Variants in CNTN5 observed in about 807,000 individuals in gnomAD.
The protein encoded by CNTN5 is contactin 5, also known as contactin-5.
A neutral mutation model predicts 129.1 loss-of-function variants in CNTN5; 77 were observed. The observed-to-expected ratio is 0.60, with a 90% confidence interval of 0.50 to 0.72. The LOEUF (loss-of-function observed/expected upper bound fraction) is 0.72, where lower values mean the gene tolerates loss of function less well. CNTN5 is among the 30% of genes least tolerant of loss of function. The pLI is 0.00. For missense variants in CNTN5, 1,478 were observed against 1,328.8 expected, an observed-to-expected ratio of 1.11 and a Z score of -1.75; for synonymous variants, 509 against 465.6, an observed-to-expected ratio of 1.09 and a Z score of -1.20.
chr11:99,343,324 C>G (rs1866606877), intron 2 of CNTN5, among the ~76,000 whole-genome samples: 1 of 152,166 alleles, frequency 6.6e-6, no homozygotes, highest in Admixed American at 6.6e-5. Flanking sequence ...CAAAGAATAG[C>G]CTGTGGACCA....
intron 13 of CNTN5, among the ~76,000 whole-genome samples, chr11:100,126,297 T>A (rs1285734684): frequency 6.6e-6 from 1 of 152,146 alleles, no homozygotes; most frequent in Non-Finnish European, 1.5e-5. Context: ...TCTGTAGATG[T>A]CTACTAGGTC....
intron 3 of CNTN5, among the ~76,000 whole-genome samples, chr11:99,779,494 C>G (rs1474311361): frequency 1.3e-5 from 2 of 151,862 alleles, no homozygotes; most frequent in Non-Finnish European, 2.9e-5. Context: ...TGTTAACTTT[C>G]CAGAAGACTG....
chr11:99,334,554 C>T (rs1035818148), intron 2 of CNTN5, among the ~76,000 whole-genome samples: 17 of 151,960 alleles, frequency 1.1e-4, no homozygotes, highest in African/African-American at 3.9e-4. Flanking sequence ...TACACACATA[C>T]AGTATTGGAC....
At chr11:99,769,809 C>G (rs371611311) in intron 3 of CNTN5, among the ~76,000 whole-genome samples, 2,791 of 111,788 alleles carry the variant, frequency 0.025, 90 homozygotes, top group African/African-American at 0.093. Flanking sequence ...GAGTGAGACC[C>G]CGTCTCAAAA....
intron 1 of CNTN5, among the ~76,000 whole-genome samples, chr11:99,255,595 G>A (rs923529967): frequency 1.9e-4 from 29 of 151,366 alleles, no homozygotes; most frequent in Non-Finnish European, 3.2e-4. Flanking sequence ...TAGATATTCA[G>A]GAGATTAACG....
chr11:99,083,611 CTT>C (rs1865891965), intron 1 of CNTN5, among the ~76,000 whole-genome samples: 1 of 151,892 alleles, frequency 6.6e-6, no homozygotes, highest in African/African-American at 2.4e-5. Context: ...AAAAGTATAA[CTT>C]TTATGTGGGT....
At chr11:99,584,336 A>G (rs1411648624) in intron 3 of CNTN5, among the ~76,000 whole-genome samples, 1 of 152,144 alleles carries the variant, frequency 6.6e-6, no homozygotes, top group African/African-American at 2.4e-5. Context: ...ACTGGCCCTG[A>G]TTACTGTTAT....
chr11:99,280,387 A>G (rs1863639638), intron 1 of CNTN5, among the ~76,000 whole-genome samples: 1 of 151,870 alleles, frequency 6.6e-6, no homozygotes, highest in Non-Finnish European at 1.5e-5. Flanking sequence ...CGTTTAGACA[A>G]AGGATCACAG....
intron 9 of CNTN5, among the ~76,000 whole-genome samples, chr11:100,050,376 C>G (rs1942890033): frequency 6.6e-6 from 1 of 150,770 alleles, no homozygotes; most frequent in Admixed American, 6.7e-5. Context: ...ATCACAAGAA[C>G]AAAAAACCAA....
At position 100,299,413 on chromosome 11, in the gene CNTN5, C is replaced by G; in HGVS notation, c.2620+17C>G. 6.9e-7 allele frequency: 1 copy of G among 1,456,072 alleles called. No individual in the cohort carries two copies. The highest frequency in any genetic ancestry group is 2.0e-5 in the Admixed American group (1 of 50,482). 90.2% of individuals were successfully genotyped at this position (1,456,072 alleles called of 1,614,324 possible). A position where few individuals can be genotyped will look rare whatever the true frequency, so the allele number is the denominator to read the frequency against. ...CTGAAGGAGGTCAGTTTTTTTATTC[C>G]TATTATTTTTATTTAACATTTTACT... On this transcript the variant is annotated intron_variant, in intron 20 of 24. Coordinates refer to ENST00000524871, the MANE Select transcript of CNTN5 (RefSeq NM_014361.4).
At chr11:99,521,358 G>T (rs1947268526) in intron 2 of CNTN5, among the ~76,000 whole-genome samples, 1 of 152,006 alleles carries the variant, frequency 6.6e-6, no homozygotes, top group Non-Finnish European at 1.5e-5. Context: ...TAAAATAGAG[G>T]CATTACCTCT....
intron 2 of CNTN5, among the ~76,000 whole-genome samples, chr11:99,397,170 C>T (rs1941569039): frequency 6.6e-6 from 1 of 151,720 alleles, no homozygotes; most frequent in Non-Finnish European, 1.5e-5. Flanking sequence ...AGGTGTTTTG[C>T]AGAATATCTC....
At chr11:100,061,659 C>T (rs1174791287) in intron 10 of CNTN5, among the ~76,000 whole-genome samples, 1 of 152,138 alleles carries the variant, frequency 6.6e-6, no homozygotes, top group East Asian at 1.9e-4. Context: ...CTGGCACCAG[C>T]ACTATACTCT....
chr11:100,263,774 G>A (rs557556813), intron 17 of CNTN5, among the ~76,000 whole-genome samples: 109 of 152,236 alleles, frequency 7.2e-4, no homozygotes, highest in African/African-American at 1.9e-3. Flanking sequence ...GCAGCCAGGA[G>A]ATGACCTCAC....
intron 8 of CNTN5, among the ~76,000 whole-genome samples, chr11:99,985,051 G>A (rs921560975): frequency 1.3e-5 from 2 of 152,264 alleles, no homozygotes; most frequent in Non-Finnish European, 2.9e-5. Flanking sequence ...TCAAGAAGGG[G>A]TGTTACAATG....
intron 15 of CNTN5, among the ~76,000 whole-genome samples, 171 bp from the exon 16 acceptor site, chr11:100,224,521 A>G (rs1419151675): frequency 6.6e-6 from 1 of 152,208 alleles, no homozygotes; most frequent in Non-Finnish European, 1.5e-5. Flanking sequence ...GTTAAAAACA[A>G]AACTTCTATG....
At position 100,071,973 on chromosome 11, in the gene CNTN5, A is replaced by AT. The variant is rs903819000; in HGVS notation, c.1429+147dup. The AT allele has an allele frequency of 8.2e-5, 65 of 797,424 alleles. 1 individual carries two copies. The highest frequency in any genetic ancestry group is 3.0e-4 in the African/African-American group (17 of 57,194). 49.4% of individuals were successfully genotyped at this position (797,424 alleles called of 1,614,324 possible). A position where few individuals can be genotyped will look rare whatever the true frequency, so the allele number is the denominator to read the frequency against. On this transcript the variant is annotated intron_variant, in intron 12 of 24. Coordinates refer to ENST00000524871, the MANE Select transcript of CNTN5 (RefSeq NM_014361.4). The stretch of plus-strand genomic sequence containing the variant: ...TGAAAAGAAATACTATGTCTTGCTG[A>AT]TTTTTTTTAACTTTAGTAGACAGGT...
At chr11:99,638,608 T>C (rs900420981) in intron 3 of CNTN5, among the ~76,000 whole-genome samples, 1 of 152,156 alleles carries the variant, frequency 6.6e-6, no homozygotes, top group East Asian at 1.9e-4. Context: ...TGGGTAAATA[T>C]AACCATTCCC....
chr11:99,096,357 T>C (rs1395100467), intron 1 of CNTN5, among the ~76,000 whole-genome samples: 1 of 151,814 alleles, frequency 6.6e-6, no homozygotes, highest in African/African-American at 2.4e-5. Context: ...GTAGTACTTC[T>C]GTTTCAGGAA....
Sources: allele counts gnomAD v4.1 joint callset (sites outside exome capture counted in the v4.1 genomes callset), GRCh38; gene constraint gnomAD v4.1.1; transcripts MANE v1.5; gene names NCBI Gene and HGNC (gene_info 2026-07-23, HGNC 2026-07-21).